Variants in PCDHA7 observed in about 807,000 individuals in gnomAD.
PCDHA7 encodes the protein protocadherin alpha-7.
Under a neutral mutation model 57.2 loss-of-function variants are expected in PCDHA7, and 37 were observed. The observed-to-expected ratio is 0.65, with a 90% CI of 0.50 to 0.85. The LOEUF (loss-of-function observed/expected upper bound fraction) is 0.85. PCDHA7 is among the 40% of genes least tolerant of loss of function. The pLI, the probability that PCDHA7 is intolerant of heterozygous loss-of-function variation, is 0.00. For synonymous variants in PCDHA7, 553 were observed against 558.8 expected (o/e 0.99, Z 0.15); for missense variants, 1,188 against 1,241.8 (o/e 0.96, Z 0.65).
intron 1 of PCDHA7, chr5:140,870,954 G>T (rs1202889647): frequency 1.9e-6 from 3 of 1,613,514 alleles, no homozygotes; most frequent in African/African-American, 1.3e-5. Context: ...CGGGCGGCTC[G>T]CGCATCCCGT....
intron 1 of PCDHA7, among the ~76,000 whole-genome samples, chr5:140,946,411 A>G (rs1554217552): frequency 1.1e-4 from 16 of 151,766 alleles, no homozygotes. Context: ...ATCATAGAAA[A>G]CAATATGGAG....
At position 140,857,244 on chromosome 5, in the gene PCDHA7, C is replaced by T. The variant is rs192745808; in HGVS notation, c.2355+20506C>T. On this transcript the variant is annotated intron_variant, in intron 1 of 3. Coordinates refer to ENST00000525929, the MANE Select transcript of PCDHA7 (RefSeq NM_018910.3). ...CACGTTCCGTTCAAGCTGGTGTCCA[C>T]CTACAAGAATTACTACTCATTGGTG... 5 of 1,598,592 alleles carry T rather than the reference C, an allele frequency of 3.1e-6. 1 individual carries two copies. In the African/African-American group the frequency reaches 6.7e-5, roughly 21 times the overall value.
intron 1 of PCDHA7, chr5:140,926,592 C>T: frequency 3.3e-6 from 1 of 298,858 alleles, no homozygotes; most frequent in Non-Finnish European, 6.1e-6. Flanking sequence ...CGCGCCCGGG[C>T]GGGCGGCCTC....
chr5:140,840,160 G>A (rs1039841732), intron 1 of PCDHA7, among the ~76,000 whole-genome samples: 17 of 152,042 alleles, frequency 1.1e-4, no homozygotes, highest in African/African-American at 3.9e-4. Context: ...AAGGAGAGAT[G>A]GGATGTATAC....
rs1320219732 is a variant in PCDHA7, at chr5:140,966,886, G to A, written c.2356-12063G>A. On this transcript the variant is annotated intron_variant, in intron 1 of 3. Coordinates refer to ENST00000525929, the MANE Select transcript of PCDHA7 (RefSeq NM_018910.3). Reference sequence around the variant, plus strand: ...TGCTGCTGCTGCTACCTGGCCCTGCGGCCTCCCAGCTGCGATACTCTGTGC... The same window carrying A: ...TGCTGCTGCTGCTACCTGGCCCTGCAGCCTCCCAGCTGCGATACTCTGTGC... The A allele has an allele frequency of 5.7e-6, 9 of 1,592,130 alleles. No individual in the cohort carries two copies. The Admixed American group carries it at 1.0e-4, about 18-fold the overall frequency.
At chr5:140,918,573 C>CT (rs1392285106) in intron 1 of PCDHA7, among the ~76,000 whole-genome samples, 1 of 152,154 alleles carries the variant, frequency 6.6e-6, no homozygotes, top group Non-Finnish European at 1.5e-5. Context: ...TATTATGCTG[C>CT]TATTGGCTAT....
At position 140,853,383 on chromosome 5, in the gene PCDHA7, A is replaced by T. The variant is rs2150531366; in HGVS notation, c.2355+16645A>T. ...GGATCCAGAGATGGTAAAATTCAAAACAGCCTGTCAAGTTCAAAACAGAGA... is the reference window on the plus strand; with the variant it reads ...GGATCCAGAGATGGTAAAATTCAAATCAGCCTGTCAAGTTCAAAACAGAGA... On this transcript the variant is annotated intron_variant, in intron 1 of 3. Transcript: ENST00000525929. 4 of 985,712 alleles carry T rather than the reference A, an allele frequency of 4.1e-6. No homozygotes were observed. In the Admixed American group the frequency reaches 1.9e-4, roughly 47 times the overall value. The allele number at this position is 985,712 out of a possible 1,614,324, so 61.1% of individuals were successfully genotyped here.
chr5:140,849,491 T>C (rs1554142975), intron 1 of PCDHA7: 1 of 1,592,292 alleles, frequency 6.3e-7, no homozygotes, highest in African/African-American at 1.4e-5. Context: ...CCCTGGCTGG[T>C]CATTGTACAC....
rs782637341 is a variant in PCDHA7, at chr5:141,010,225, C to A, written c.*288C>A. Reference sequence around the variant, plus strand: ...CCGCCGCAAAGGAGAGGCTTCCCAGCCCCGCCAGTGAGAGGTTGGACTCTC... The same window carrying A: ...CCGCCGCAAAGGAGAGGCTTCCCAGACCCGCCAGTGAGAGGTTGGACTCTC... On this transcript the variant is annotated 3_prime_UTR_variant, in exon 4 of 4. Transcript: ENST00000525929. 11 of 1,551,730 alleles carry A rather than the reference C, an allele frequency of 7.1e-6. No homozygotes were observed. The highest frequency in any genetic ancestry group is 8.7e-6 in the Non-Finnish European group (10 of 1,147,034).
chr5:140,991,191 A>G (rs1316296536), intron 3 of PCDHA7, among the ~76,000 whole-genome samples: 2 of 152,218 alleles, frequency 1.3e-5, no homozygotes, highest in South Asian at 2.1e-4. Flanking sequence ...CTAGCACACA[A>G]TGATGCTCAA....
intron 1 of PCDHA7, chr5:140,878,017 G>A: frequency 1.2e-6 from 1 of 800,034 alleles, no homozygotes; most frequent in Non-Finnish European, 1.8e-6. Flanking sequence ...ATTAATGAAG[G>A]AAATATGTAG....
chr5:141,009,239 G>T (rs1416549332), intron 3 of PCDHA7, among the ~76,000 whole-genome samples: 2 of 152,186 alleles, frequency 1.3e-5, no homozygotes, highest in Admixed American at 1.3e-4. Context: ...AGGATCTCTT[G>T]AGCTTCAGTG....
intron 1 of PCDHA7, chr5:140,849,943 ACG>A (rs2041244627): frequency 1.3e-6 from 2 of 1,597,782 alleles, no homozygotes; most frequent in Admixed American, 1.7e-5. Context: ...CGGGACGCTG[ACG>A]CGCAGGAGAA....
chr5:140,966,945 A>G, intron 1 of PCDHA7: 1 of 1,603,804 alleles, frequency 6.2e-7, no homozygotes, highest in Non-Finnish European at 8.5e-7. Flanking sequence ...CTCGTGGGCA[A>G]CGTGGCTCGC....
At chr5:140,861,474 G>A in intron 1 of PCDHA7, 1 of 493,958 alleles carries the variant, frequency 2.0e-6, no homozygotes, top group East Asian at 5.8e-5. Context: ...TCTGCAGAAT[G>A]GCATTTTTGT....
intron 1 of PCDHA7, chr5:140,851,311 T>C (rs1484638965): frequency 1.0e-6 from 1 of 1,000,128 alleles, no homozygotes; most frequent in Non-Finnish European, 1.2e-6. Context: ...TAGCAATTGT[T>C]ACCTTGTTAA....
chr5:140,938,797 G>A (rs76361474), intron 1 of PCDHA7, among the ~76,000 whole-genome samples: 2 of 151,926 alleles, frequency 1.3e-5, no homozygotes, highest in East Asian at 1.9e-4. Flanking sequence ...TGAAATAATC[G>A]GTACCACAAA....
intron 1 of PCDHA7, chr5:140,866,843 TAAC>T (rs1212569386): frequency 2.6e-5 from 4 of 152,142 alleles, no homozygotes; most frequent in African/African-American, 9.7e-5. Flanking sequence ...CAAAATCAGT[TAAC>T]AATAACTGTA....
At chr5:140,982,694 A>G in intron 3 of PCDHA7, 131 bp downstream of exon 3, 1 of 1,402,998 alleles carries the variant, frequency 7.1e-7, no homozygotes, top group Non-Finnish European at 9.4e-7. Flanking sequence ...TTCCATACAT[A>G]CATGATTTCC....
Sources: allele counts gnomAD v4.1 joint callset (sites outside exome capture counted in the v4.1 genomes callset), GRCh38; gene constraint gnomAD v4.1.1; transcripts MANE v1.5; gene names NCBI Gene and HGNC (gene_info 2026-07-23, HGNC 2026-07-21).